The following ZNF565 variants were observed in gnomAD, a reference collection of about 807,000 sequenced individuals.
ZNF565 encodes zinc finger protein 565.
ZNF565 carries 27 observed loss-of-function variants against 39.4 expected under a neutral mutation model. That is an observed-to-expected ratio of 0.69 (90% CI 0.51 to 0.95). ZNF565 has a LOEUF of 0.95. Ranked by LOEUF, ZNF565 falls within the 40% of genes least tolerant of loss-of-function variation. The pLI is 0.00. For missense variants in ZNF565, 524 were observed against 621.1 expected (o/e 0.84, Z 1.66); for synonymous variants, 185 against 216.6 (o/e 0.85, Z 1.28).
intron 1 of ZNF565, among the ~76,000 whole-genome samples, chr19:36,234,840 G>A (rs1283125410): frequency 1.3e-5 from 2 of 152,146 alleles, no homozygotes; most frequent in Non-Finnish European, 2.9e-5. Context: ...AATTCTGCAG[G>A]GGATAAACTT....
chr19:36,208,152 T>G (rs181927334), intron 1 of ZNF565, among the ~76,000 whole-genome samples: 2 of 151,986 alleles, frequency 1.3e-5, no homozygotes, highest in Non-Finnish European at 2.9e-5. Context: ...CTCAAAGGGA[T>G]TTTTCACAAA....
intron 4 of ZNF565, among the ~76,000 whole-genome samples, chr19:36,192,204 G>A (rs1186519097): frequency 2.0e-5 from 3 of 151,746 alleles, no homozygotes; most frequent in Non-Finnish European, 2.9e-5. Context: ...GGCCAGGCTG[G>A]TCTCGAACTG....
At chr19:36,192,136 C>A (rs932758606) in intron 4 of ZNF565, among the ~76,000 whole-genome samples, 1 of 151,726 alleles carries the variant, frequency 6.6e-6, no homozygotes, top group Non-Finnish European at 1.5e-5. Context: ...CTACAGGCAC[C>A]CGCCACCACG....
rs1975135257 is a variant in ZNF565, at chr19:36,182,856, C to G, written c.1110G>C (p.Lys370Asn). ...TGAGCTGTGCGTGCTGTCTGAAGGCCTTCCCACATTCCTTACACTCATAGG... is the reference window on the plus strand; with the variant it reads ...TGAGCTGTGCGTGCTGTCTGAAGGCGTTCCCACATTCCTTACACTCATAGG... Reference protein sequence around the residue: ...EKPYECKECGKAFRQHAQLTR... With the variant: ...EKPYECKECGNAFRQHAQLTR... Residue 370 changes from lysine to asparagine, a missense_variant, in exon 5 of 5, where the codon AAG becomes AAC. Transcript: ENST00000304116. 1 of 1,614,156 alleles carries G rather than the reference C, an allele frequency of 6.2e-7. No homozygotes were observed. Among genetic ancestry groups the G allele is most frequent in the African/African-American group, 1.3e-5 (1 of 75,026 alleles).
intron 1 of ZNF565, among the ~76,000 whole-genome samples, chr19:36,204,753 G>C (rs1262825474): frequency 6.6e-6 from 1 of 152,178 alleles, no homozygotes. Context: ...ACTTTGGGAG[G>C]CCGAGGTGGG....
At position 36,189,224 on chromosome 19, in the gene ZNF565, G is replaced by A. The variant is rs920017252; in HGVS notation, c.232+5009C>T. Among the ~76,000 whole-genome samples, 72 of 152,124 alleles carry A rather than the reference G, an allele frequency of 4.7e-4. 6 individuals are homozygous for A. The highest frequency in any genetic ancestry group is 2.9e-5 in the Non-Finnish European group (2 of 68,024). ...GGATGGCTTGAAACTGGGAGGCAGAGGTTGCAGTGAGCCGAGATCGTGCTA... is the reference window on the plus strand; with the variant it reads ...GGATGGCTTGAAACTGGGAGGCAGAAGTTGCAGTGAGCCGAGATCGTGCTA... On this transcript the variant is annotated intron_variant, in intron 4 of 4. Transcript: ENST00000304116.
At chr19:36,191,337 A>G (rs1306888029) in intron 4 of ZNF565, among the ~76,000 whole-genome samples, 2 of 130,982 alleles carry the variant, frequency 1.5e-5, no homozygotes, top group Admixed American at 8.4e-5. Flanking sequence ...TTTTTTCCCG[A>G]GATGGAGTCT....
intron 1 of ZNF565, among the ~76,000 whole-genome samples, chr19:36,242,813 GA>G (rs1977822105): frequency 6.6e-6 from 1 of 152,184 alleles, no homozygotes; most frequent in Non-Finnish European, 1.5e-5. Context: ...GCAAGCACAT[GA>G]AAAGATGTTC....
intron 1 of ZNF565, among the ~76,000 whole-genome samples, chr19:36,232,324 A>T (rs1977417896): frequency 6.6e-6 from 1 of 152,114 alleles, no homozygotes. Context: ...TACTTATATA[A>T]ACTTGAATTC....
rs73608025 is a variant in ZNF565 at position 36,192,448 on chromosome 19, G to A, written c.232+1785C>T. Among the ~76,000 whole-genome samples, 1,290 of 152,020 alleles carry A rather than the reference G, an allele frequency of 8.5e-3. 12 individuals carry two copies. The highest frequency in any genetic ancestry group is 0.03 in the African/African-American group (1,250 of 41,486). Reference sequence around the variant, plus strand: ...CAATCTACAAAAAAATACTCATTAAGAGGATCAGCTGGCTGGGTGCAGTGG... The same window carrying A: ...CAATCTACAAAAAAATACTCATTAAAAGGATCAGCTGGCTGGGTGCAGTGG... On this transcript the variant is annotated intron_variant, in intron 4 of 4. Coordinates refer to ENST00000304116, the MANE Select transcript of ZNF565 (RefSeq NM_152477.5).
upstream of ZNF565, among the ~76,000 whole-genome samples, chr19:36,218,461 T>A (rs1055793994): frequency 6.6e-6 from 1 of 152,040 alleles, no homozygotes; most frequent in East Asian, 1.9e-4. Flanking sequence ...GATGCACTTT[T>A]GTTATTAATA....
At position 36,201,996 on chromosome 19, in the gene ZNF565, A is replaced by G; in HGVS notation, c.-11T>C. The G allele has an allele frequency of 6.2e-7, 1 of 1,614,096 alleles. No homozygotes were observed. On this transcript the variant is annotated 5_prime_UTR_variant, in exon 2 of 5. Transcript: ENST00000304116. ...ACATACCTGGGCCATGGCTTTTAGA[A>G]CTATTTGACCTGCTCTGATTTCTCT...
At chr19:36,236,860 A>G in intron 1 of ZNF565, 1 of 1,614,100 alleles carries the variant, frequency 6.2e-7, no homozygotes, top group Non-Finnish European at 8.5e-7. Context: ...TCAGTGGCAA[A>G]TCCAACCTTA....
chr19:36,201,033 G>A (rs1056192588), intron 2 of ZNF565, among the ~76,000 whole-genome samples: 4 of 152,090 alleles, frequency 2.6e-5, no homozygotes, highest in Admixed American at 2.0e-4. Flanking sequence ...ATAGAATAAA[G>A]AATAAAGCAG....
chr19:36,221,284 C>CTTTTTTT lies in ZNF565; in HGVS notation c.56-19241_56-19235dup, dbSNP rs74172797. Among the ~76,000 whole-genome samples the CTTTTTTT allele has an allele frequency of 4.4e-4, 43 of 98,686 alleles. 2 individuals carry two copies. The highest frequency in any genetic ancestry group is 9.2e-4 in the African/African-American group (22 of 23,864). The allele number at this position is 98,686 out of a possible 152,430, so 64.7% of individuals were successfully genotyped here. A position where few individuals can be genotyped will look rare whatever the true frequency, so the allele number is the denominator to read the frequency against. ...TTGTTGTTTTCAGGTTAAGGGACTG[C>CTTTTTTT]TTTTTTTTTTTTTTTTTTTTTTGAG... On this transcript the variant is annotated intron_variant, in intron 1 of 4. Transcript: ENST00000355114.
At chr19:36,197,198 G>A (rs994704767) in intron 2 of ZNF565, among the ~76,000 whole-genome samples, 1 of 152,062 alleles carries the variant, frequency 6.6e-6, no homozygotes, top group East Asian at 1.9e-4. Context: ...CTTGATCCCC[G>A]GAGGCAGAGG....
At chr19:36,193,764 T>G (rs6510528) in intron 4 of ZNF565, among the ~76,000 whole-genome samples, 64,573 of 151,862 alleles carry the variant, frequency 0.43, 13,964 homozygotes, top group African/African-American at 0.51. Flanking sequence ...TTCTAAGGGA[T>G]GAAGACACTT....
chr19:36,190,096 T>G (rs994459485), intron 4 of ZNF565, among the ~76,000 whole-genome samples: 1 of 152,002 alleles, frequency 6.6e-6, no homozygotes, highest in Non-Finnish European at 1.5e-5. Context: ...TCTCCCAAAG[T>G]GCTGGGATTA....
In ZNF565 at chr19:36,201,024, T is replaced by TAGA. The variant is rs757387862; in HGVS notation, c.9+950_9+952dup. Among the ~76,000 whole-genome samples the TAGA allele has an allele frequency of 5.6e-4, 85 of 151,984 alleles. 1 individual carries two copies. Among genetic ancestry groups the TAGA allele is most frequent in the Non-Finnish European group, 1.3e-4 (9 of 67,992 alleles). ...TTAAAGAGGGGGTGACATTTAAAAATAGAATAAAGAATAAAGCAGTGGCTC... is the reference window on the plus strand; with the variant it reads ...TTAAAGAGGGGGTGACATTTAAAAATAGAAGAATAAAGAATAAAGCAGTGGCTC... On this transcript the variant is annotated intron_variant, in intron 2 of 4. Coordinates refer to ENST00000304116, the MANE Select transcript of ZNF565 (RefSeq NM_152477.5).
Sources: allele counts gnomAD v4.1 joint callset (sites outside exome capture counted in the v4.1 genomes callset), GRCh38; gene constraint gnomAD v4.1.1; transcripts MANE v1.5; gene names NCBI Gene and HGNC (gene_info 2026-07-23, HGNC 2026-07-21).